Variants in PARP1 observed in about 807,000 individuals in gnomAD.
PARP1 encodes poly(ADP-ribose) polymerase 1.
PARP1 carries 44 observed loss-of-function variants against 118.7 expected under a neutral mutation model. The observed-to-expected ratio is 0.37, with a 90% CI of 0.29 to 0.48. The LOEUF (loss-of-function observed/expected upper bound fraction) is 0.48, where lower values mean the gene tolerates loss of function less well. Among genes scored for constraint, PARP1 ranks in the 20% least tolerant of loss-of-function variants. The pLI is 0.99. For missense variants in PARP1, 1,100 were observed against 1,272.4 expected (o/e 0.86, Z 2.06); for synonymous variants, 492 against 483.2 (o/e 1.02, Z -0.24).
rs1664448639 is a variant in PARP1 at position 226,374,277 on chromosome 1, G to A, written c.2019C>T (p.Ile673=). The A allele has an allele frequency of 3.1e-6, 5 of 1,614,028 alleles. No individual in the cohort carries two copies. Among genetic ancestry groups the A allele is most frequent in the Admixed American group, 1.7e-5 (1 of 60,006 alleles). The change falls in exon 14 of 23, where the codon ATC becomes ATT. Residue 673 remains isoleucine, a synonymous_variant. Transcript: ENST00000366794. ...SKLPKPVQDL[I]KMIFDVESMK... is the part of the protein sequence containing the mutation. ...TACTTTCCACATCAAAGATCATCTT[G>A]ATGAGGTCCTGAACTGGCTTGGGGA...
chr1:226,383,653 T>A (rs1236235967), intron 7 of PARP1, among the ~76,000 whole-genome samples: 1 of 152,248 alleles, frequency 6.6e-6, no homozygotes, highest in Non-Finnish European at 1.5e-5. Flanking sequence ...TCACAGTATT[T>A]GCTTTCCTTT....
At chr1:226,372,714 AAAC>A (rs1020401112) in intron 14 of PARP1, among the ~76,000 whole-genome samples, 12 of 152,170 alleles carry the variant, frequency 7.9e-5, no homozygotes, top group African/African-American at 2.4e-4. Context: ...ACAACAACAA[AAAC>A]AACATTTCAC....
intron 14 of PARP1, among the ~76,000 whole-genome samples, chr1:226,372,020 C>G (rs1001041969): frequency 1.2e-4 from 19 of 152,230 alleles, no homozygotes; most frequent in Non-Finnish European, 2.6e-4. Flanking sequence ...CACCTTGGCA[C>G]TGGGGACCCA....
At chr1:226,379,523 G>C (rs201653997) in intron 11 of PARP1, 50 bp downstream of exon 11, 9 of 1,450,226 alleles carry the variant, frequency 6.2e-6, no homozygotes, top group Non-Finnish European at 8.7e-6. Context: ...TAGTCAGCTG[G>C]GGGTTGGGGG....
At chr1:226,380,913 G>A (rs1664591408) in intron 9 of PARP1, among the ~76,000 whole-genome samples, 155 bp downstream of exon 9, 1 of 152,156 alleles carries the variant, frequency 6.6e-6, no homozygotes, top group South Asian at 2.1e-4. Context: ...AACACTGAGA[G>A]CAAATACTGG....
intron 2 of PARP1, among the ~76,000 whole-genome samples, chr1:226,399,655 A>C (rs1576403104): frequency 6.6e-6 from 1 of 152,350 alleles, no homozygotes; most frequent in African/African-American, 2.4e-5. Flanking sequence ...GTGAGCCCTC[A>C]TGTAAACTAC....
intron 1 of PARP1, 108 bp downstream of exon 1, chr1:226,407,702 A>AGGGTCC (rs1558245439): frequency 3.1e-6 from 3 of 968,196 alleles, no homozygotes; most frequent in Non-Finnish European, 4.1e-6. Flanking sequence ...TGCCGCTCCG[A>AGGGTCC]GGGCCCGGGC....
intron 17 of PARP1, chr1:226,366,336 G>T: frequency 2.5e-6 from 1 of 400,388 alleles, no homozygotes; most frequent in East Asian, 5.3e-5. Context: ...GCTAGAATGT[G>T]GGATTCACTG....
chr1:226,370,611 C>G (rs566015842), intron 14 of PARP1, 94 bp from the exon 15 acceptor site: 1 of 898,914 alleles, frequency 1.1e-6, no homozygotes, highest in South Asian at 1.3e-5. Flanking sequence ...AGGCCCCCAA[C>G]AGGAGCAGTC....
intron 2 of PARP1, 107 bp downstream of exon 2, chr1:226,402,107 T>TGGGA: frequency 1.2e-6 from 2 of 1,602,290 alleles, no homozygotes; most frequent in Non-Finnish European, 1.7e-6. Flanking sequence ...TCTGCACATG[T>TGGGA]GGGAGAGGGC....
chr1:226,395,050 C>A (rs1050860670), intron 2 of PARP1, among the ~76,000 whole-genome samples: 1 of 151,872 alleles, frequency 6.6e-6, no homozygotes, highest in Non-Finnish European at 1.5e-5. Context: ...GTCAACATCA[C>A]TAGTCGTTAG....
intron 10 of PARP1, 123 bp from the exon 11 acceptor site, chr1:226,379,764 C>T: frequency 2.2e-6 from 3 of 1,342,266 alleles, no homozygotes; most frequent in Non-Finnish European, 3.2e-6. Context: ...TATATACACA[C>T]TACTCCCGCC....
chr1:226,370,353 T>C, intron 15 of PARP1, 81 bp downstream of exon 15: 1 of 993,920 alleles, frequency 1.0e-6, no homozygotes, highest in Non-Finnish European at 1.6e-6. Context: ...TGAGTAAATG[T>C]TACCCCTGCC....
intron 2 of PARP1, among the ~76,000 whole-genome samples, chr1:226,393,663 T>C (rs1465937810): frequency 6.6e-5 from 10 of 152,102 alleles, no homozygotes; most frequent in Admixed American, 5.9e-4. Flanking sequence ...AAAATTAATC[T>C]ATGGGGATAG....
Position 226,380,047 on chromosome 1 carries a change from A to C in PARP1, c.1418T>G (p.Phe473Cys). The stretch of plus-strand genomic sequence containing the variant: ...CCAAGGGGACAAGATGTGCGCTAAG[A>C]ACAACTCCTGAAGGCTCTTGGTGGA... ...SASTKSLQEL[F>C]LAHILSPWGA... Residue 473 changes from phenylalanine (F) to cysteine (C), a missense_variant, in exon 10 of 23, where the codon TTC becomes TGC. By Grantham distance (205) the Phe-to-Cys change is radical (BLOSUM62 -2). Around this residue, in one of 2 missense-constraint regions of PARP1, gnomAD observed 948 missense variants for 1,031.8 expected, o/e 0.92. Transcript: ENST00000366794. The C allele has an allele frequency of 6.2e-7, 1 of 1,614,132 alleles. No homozygotes were observed.
At chr1:226,387,930 C>T (rs911755978) in intron 5 of PARP1, among the ~76,000 whole-genome samples, 1 of 152,110 alleles carries the variant, frequency 6.6e-6, no homozygotes, top group South Asian at 2.1e-4. Context: ...GCAACTAGAA[C>T]CATATCAGAA....
intron 1 of PARP1, among the ~76,000 whole-genome samples, 163 bp from the exon 2 acceptor site, chr1:226,402,542 A>C (rs957659124): frequency 6.6e-6 from 1 of 152,240 alleles, no homozygotes; most frequent in Admixed American, 6.5e-5. Context: ...CTCCGCTCTC[A>C]CATGAAGAGC....
At chr1:226,365,868 C>T in intron 18 of PARP1, 86 bp downstream of exon 18, 2 of 857,818 alleles carry the variant, frequency 2.3e-6, no homozygotes, top group Non-Finnish European at 4.0e-6. Flanking sequence ...ATAAACTGCT[C>T]TTTTCTACCC....
chr1:226,407,728 G>C, intron 1 of PARP1, 82 bp downstream of exon 1: 1 of 1,289,834 alleles, frequency 7.8e-7, no homozygotes, highest in Non-Finnish European at 1.0e-6. Flanking sequence ...CGCTCCCTGG[G>C]CCCGCCCTCC....
Sources: gnomAD v4.1 joint callset for allele counts (sites outside exome capture counted in the v4.1 genomes callset) on GRCh38, gnomAD v4.1.1 for gene constraint, gnomAD v4.1.1 regional missense constraint, MANE v1.5 for transcripts, NCBI Gene and HGNC (gene_info 2026-07-23, HGNC 2026-07-21) for gene names.